RAB11FIP4: variants seen among roughly 807,000 people sequenced by gnomAD.
RAB11FIP4 encodes the protein RAB11 family interacting protein 4.
Under a neutral mutation model 74.3 loss-of-function variants are expected in RAB11FIP4, and 23 were observed. The ratio of observed to expected loss-of-function variants is 0.31; its 90% confidence interval spans 0.22 to 0.44. RAB11FIP4 has a LOEUF of 0.44. Ranked by LOEUF, RAB11FIP4 falls within the 20% of genes least tolerant of loss-of-function variation. The pLI is 1.00. For missense variants in RAB11FIP4, 630 were observed against 863.9 expected, an observed-to-expected ratio of 0.73 and a Z score of 3.39; for synonymous variants, 360 against 359.9, an observed-to-expected ratio of 1.00 and a Z score of 0.00.
intron 3 of RAB11FIP4, among the ~76,000 whole-genome samples, chr17:31,444,025 TC>T (rs1166763831): frequency 6.6e-6 from 1 of 152,204 alleles, no homozygotes; most frequent in Non-Finnish European, 1.5e-5. Context: ...ACCCTTGTCT[TC>T]CTGGAAGTTT....
chr17:31,516,818 AG>A (rs1427837957), intron 3 of RAB11FIP4, among the ~76,000 whole-genome samples: 1 of 152,224 alleles, frequency 6.6e-6, no homozygotes, highest in Non-Finnish European at 1.5e-5. Flanking sequence ...GCCCAAGCAT[AG>A]GGGATCAAGA....
At chr17:31,454,572 C>T (rs1202954720) in intron 3 of RAB11FIP4, among the ~76,000 whole-genome samples, 1 of 151,968 alleles carries the variant, frequency 6.6e-6, no homozygotes, top group Non-Finnish European at 1.5e-5. Context: ...CTGTGCCTTG[C>T]CTAAGTCTGA....
chr17:31,525,700 C>T (rs114334238), intron 10 of RAB11FIP4: 7,784 of 175,156 alleles, frequency 0.044, 255 homozygotes, highest in Non-Finnish European at 0.059. Flanking sequence ...GTTGGTCTCC[C>T]ATTAGCTCCA....
intron 1 of RAB11FIP4, among the ~76,000 whole-genome samples, chr17:31,421,978 G>A (rs955588172): frequency 1.4e-4 from 22 of 152,000 alleles, no homozygotes; most frequent in South Asian, 2.1e-4. Flanking sequence ...CCAGGAGTTC[G>A]AGACCAGCCT....
intron 1 of RAB11FIP4, among the ~76,000 whole-genome samples, chr17:31,411,619 T>C (rs955267418): frequency 1.3e-5 from 2 of 152,178 alleles, no homozygotes; most frequent in Admixed American, 1.3e-4. Flanking sequence ...CTACTTTCTT[T>C]TGGGAAAGAG....
At position 31,391,876 on chromosome 17, in the gene RAB11FIP4, G is replaced by C. The variant is rs1250906019; in HGVS notation, c.24G>C (p.Ser8=). The change falls in exon 1 of 15, where the codon TCG becomes TCC. Residue 8 remains serine (S), a synonymous_variant. Coordinates refer to ENST00000621161, the MANE Select transcript of RAB11FIP4 (RefSeq NM_032932.6). MAGGAGW[S]GAPAALLRSV... is the part of the protein sequence containing the mutation. ...GGATGGCGGGCGGCGCGGGCTGGTC[G>C]GGCGCCCCCGCGGCTCTGCTGCGCT... is the stretch of plus-strand genomic sequence containing the variant. 1 of 1,181,594 alleles carries C rather than the reference G, an allele frequency of 8.5e-7. No individual in the cohort carries two copies. The highest frequency in any genetic ancestry group is 1.0e-6 in the Non-Finnish European group (1 of 958,668). 73.2% of individuals were successfully genotyped at this position (1,181,594 alleles called of 1,614,324 possible). A position where few individuals can be genotyped will look rare whatever the true frequency, so the allele number is the denominator to read the frequency against.
intron 9 of RAB11FIP4, chr17:31,524,365 C>T (rs1011716786): frequency 6.9e-5 from 17 of 246,694 alleles, no homozygotes; most frequent in African/African-American, 8.9e-5. Flanking sequence ...GTGAGCTGGG[C>T]GGTGGGAAGG....
At chr17:31,393,624 C>T (rs78316476) in intron 1 of RAB11FIP4, among the ~76,000 whole-genome samples, 2,959 of 152,302 alleles carry the variant, frequency 0.019, 123 homozygotes, top group African/African-American at 0.067. Context: ...TTAGTCATCA[C>T]CGTTCTGCAC....
intron 1 of RAB11FIP4, among the ~76,000 whole-genome samples, chr17:31,401,025 C>T (rs983291979): frequency 2.0e-5 from 3 of 152,114 alleles, no homozygotes; most frequent in Admixed American, 1.3e-4. Context: ...TCCCAGCACT[C>T]TGGGAGGCCA....
rs138771499 is a variant in RAB11FIP4, at chr17:31,399,483, C to T, written c.159+7472C>T. Among the ~76,000 whole-genome samples the T allele has an allele frequency of 5.0e-3, 755 of 152,234 alleles. 6 individuals are homozygous for T. The highest frequency in any genetic ancestry group is 0.017 in the African/African-American group (704 of 41,534). ...ATCCCAGCACTTTGGGAGGCCGAGG[C>T]GGGCAGATTGCTTGAGGTCAGGAGT... On this transcript the variant is annotated intron_variant, in intron 1 of 14. Coordinates refer to ENST00000621161, the MANE Select transcript of RAB11FIP4 (RefSeq NM_032932.6).
chr17:31,489,426 C>G (rs1241790734), intron 3 of RAB11FIP4, among the ~76,000 whole-genome samples: 1 of 152,062 alleles, frequency 6.6e-6, no homozygotes, highest in African/African-American at 2.4e-5. Context: ...CTCTCACTCC[C>G]CCCCATATCC....
chr17:31,434,182 C>A, intron 3 of RAB11FIP4, 60 bp downstream of exon 3: 1 of 1,384,008 alleles, frequency 7.2e-7, no homozygotes, highest in Non-Finnish European at 1.0e-6. Context: ...TTGGTCTTGC[C>A]TTTGCTCCAT....
intron 1 of RAB11FIP4, among the ~76,000 whole-genome samples, chr17:31,394,859 T>C (rs1411272089): frequency 2.2e-5 from 3 of 139,080 alleles, no homozygotes; most frequent in African/African-American, 8.1e-5. Context: ...ATATTTTGCA[T>C]CTCTACTCAC....
intron 1 of RAB11FIP4, among the ~76,000 whole-genome samples, chr17:31,417,988 G>T (rs178847): frequency 6.6e-6 from 1 of 152,202 alleles, no homozygotes; most frequent in South Asian, 2.1e-4. Flanking sequence ...CTACTTGGGA[G>T]GCTGAGTTGG....
rs552812275 is a variant in RAB11FIP4, at chr17:31,416,218, C to T, written c.160-15595C>T. On this transcript the variant is annotated intron_variant, in intron 1 of 14. Coordinates refer to ENST00000621161, the MANE Select transcript of RAB11FIP4 (RefSeq NM_032932.6). ...CTAATTGCGGAGCTGGTCCTGGGCC[C>T]GGGGCTCCTGACTCCTCCAGGATGC... Among the ~76,000 whole-genome samples, 13 of 152,268 alleles carry T rather than the reference C, an allele frequency of 8.5e-5. No individual in the cohort carries two copies. In the South Asian group the frequency reaches 1.0e-3, roughly 12 times the overall value.
Position 31,513,269 on chromosome 17 carries a change from G to GT in RAB11FIP4, c.337-4377dup, listed in dbSNP as rs1302304217. Among the ~76,000 whole-genome samples, 3 of 152,320 alleles carry GT rather than the reference G, an allele frequency of 2.0e-5. No individual in the cohort carries two copies. In the South Asian group the frequency reaches 6.2e-4, roughly 32 times the overall value. On this transcript the variant is annotated intron_variant, in intron 3 of 14. Coordinates refer to ENST00000621161, the MANE Select transcript of RAB11FIP4 (RefSeq NM_032932.6). ...CATCTGGAAACCTTATGAGGGCAAT[G>GT]TTTTTATTATGGCCAAGTTCTTCCT...
At chr17:31,417,142 C>A (rs1419690779) in intron 1 of RAB11FIP4, among the ~76,000 whole-genome samples, 4 of 151,912 alleles carry the variant, frequency 2.6e-5, no homozygotes, top group Admixed American at 6.6e-5. Context: ...CTGGCCAGCT[C>A]CTAGCAGGAA....
At chr17:31,504,558 G>A (rs1014082222) in intron 3 of RAB11FIP4, among the ~76,000 whole-genome samples, 12 of 152,136 alleles carry the variant, frequency 7.9e-5, no homozygotes, top group African/African-American at 1.9e-4. Flanking sequence ...GTGAGCCACC[G>A]TGCCTGTCCT....
intron 3 of RAB11FIP4, among the ~76,000 whole-genome samples, chr17:31,481,312 G>A (rs1007113276): frequency 4.6e-5 from 7 of 151,816 alleles, no homozygotes; most frequent in Non-Finnish European, 8.8e-5. Context: ...ATTTTTTTAG[G>A]TTCAAGTGAT....
Sources: gnomAD v4.1 joint callset for allele counts (sites outside exome capture counted in the v4.1 genomes callset) on GRCh38, gnomAD v4.1.1 for gene constraint, MANE v1.5 for transcripts, NCBI Gene and HGNC (gene_info 2026-07-23, HGNC 2026-07-21) for gene names.